The following CACNA2D3 variants were observed in gnomAD, a reference collection of about 807,000 sequenced individuals.
The protein encoded by CACNA2D3 is voltage-dependent calcium channel subunit alpha-2/delta-3.
Under a neutral mutation model 160.6 loss-of-function variants are expected in CACNA2D3, and 60 were observed. The ratio of observed to expected loss-of-function variants is 0.37; its 90% CI spans 0.30 to 0.46. The LOEUF is 0.46. Among genes scored for constraint, CACNA2D3 ranks in the 20% least tolerant of loss-of-function variants. The pLI is 1.00. For synonymous variants in CACNA2D3, 558 were observed against 492.9 expected (o/e 1.13, Z -1.75); for missense variants, 1,205 against 1,365.0 (o/e 0.88, Z 1.85).
At chr3:54,942,722 C>T (rs1010041637) in intron 27 of CACNA2D3, among the ~76,000 whole-genome samples, 1 of 151,738 alleles carries the variant, frequency 6.6e-6, no homozygotes, top group Non-Finnish European at 1.5e-5. Flanking sequence ...GGCTCCATCT[C>T]TAAAAAAATA....
At chr3:54,849,047 T>G (rs1698995217) in intron 17 of CACNA2D3, among the ~76,000 whole-genome samples, 1 of 152,198 alleles carries the variant, frequency 6.6e-6, no homozygotes, top group Non-Finnish European at 1.5e-5. Context: ...TAAAGAGCAC[T>G]TTTTGATTAT....
intron 27 of CACNA2D3, among the ~76,000 whole-genome samples, chr3:54,933,090 TTCCTTCCTTCCTTC>T (rs1701241355): frequency 6.9e-6 from 1 of 144,676 alleles, no homozygotes; most frequent in Non-Finnish European, 1.5e-5. Flanking sequence ...CCTTCCTTCC[TTCCTTCCTTCCTTC>T]CTTCCTTCCT....
intron 11 of CACNA2D3, among the ~76,000 whole-genome samples, chr3:54,733,193 A>T (rs1701423681): frequency 6.6e-6 from 1 of 152,244 alleles, no homozygotes; most frequent in Non-Finnish European, 1.5e-5. Context: ...TTCTGTGTTC[A>T]TGGATTTAGT....
chr3:54,750,739 G>A (rs988152241), intron 11 of CACNA2D3, among the ~76,000 whole-genome samples: 10 of 151,752 alleles, frequency 6.6e-5, no homozygotes, highest in African/African-American at 2.2e-4. Context: ...GAGGGTCAGT[G>A]GTAATCACTT....
intron 8 of CACNA2D3, among the ~76,000 whole-genome samples, chr3:54,575,641 G>A (rs1014867325): frequency 1.3e-5 from 2 of 152,198 alleles, no homozygotes; most frequent in African/African-American, 4.8e-5. Context: ...ACAACACAGT[G>A]TGGCCAGTGC....
At chr3:54,279,091 T>C (rs1294744597) in intron 2 of CACNA2D3, among the ~76,000 whole-genome samples, 2 of 152,232 alleles carry the variant, frequency 1.3e-5, no homozygotes, top group Admixed American at 6.5e-5. Flanking sequence ...CTGCTATAAA[T>C]GGACTTGTTT....
At chr3:54,503,419 G>A in intron 4 of CACNA2D3, 73 bp from the exon 5 acceptor site, 1 of 1,375,546 alleles carries the variant, frequency 7.3e-7, no homozygotes, top group Non-Finnish European at 1.0e-6. Context: ...CACATGGCCT[G>A]TGCCCAGGTC....
At chr3:55,065,163 C>T (rs576916457) in intron 35 of CACNA2D3, among the ~76,000 whole-genome samples, 4 of 152,120 alleles carry the variant, frequency 2.6e-5, no homozygotes, top group Non-Finnish European at 5.9e-5. Flanking sequence ...GATTTCTGTC[C>T]AGTGTCTTTT....
chr3:54,285,277 A>G (rs1387041814), intron 2 of CACNA2D3, among the ~76,000 whole-genome samples: 1 of 152,146 alleles, frequency 6.6e-6, no homozygotes, highest in Admixed American at 6.6e-5. Context: ...ACACCAGGAG[A>G]TTATATTCCT....
intron 34 of CACNA2D3, among the ~76,000 whole-genome samples, chr3:55,015,410 TATTAA>T (rs1163580941): frequency 2.6e-5 from 4 of 152,242 alleles, no homozygotes; most frequent in Middle Eastern, 3.2e-3. Flanking sequence ...CATGTTTTAC[TATTAA>T]ATTAATTAAT....
In CACNA2D3 at chr3:54,456,780, C is replaced by A. The variant is rs138090775; in HGVS notation, c.382-46712C>A. On this transcript the variant is annotated intron_variant, in intron 4 of 37. Coordinates refer to ENST00000474759, the MANE Select transcript of CACNA2D3 (RefSeq NM_018398.3). ...TAACTACAACTTTAACCTCTTGGTT[C>A]ATTATTGGTCTGTTTGAGTTTTCTA... 4.3e-3 allele frequency among the ~76,000 whole-genome samples: 650 copies of A among 151,960 alleles called. 7 individuals carry two copies. The highest frequency in any genetic ancestry group is 0.014 in the African/African-American group (562 of 41,518).
chr3:54,497,951 C>T (rs773533077), intron 4 of CACNA2D3, among the ~76,000 whole-genome samples: 26 of 151,508 alleles, frequency 1.7e-4, no homozygotes, highest in East Asian at 3.9e-4. Context: ...ACAGTTTGGT[C>T]GTGATGTATT....
chr3:54,255,449 A>C (rs1702274502), intron 2 of CACNA2D3, among the ~76,000 whole-genome samples: 1 of 152,200 alleles, frequency 6.6e-6, no homozygotes, highest in African/African-American at 2.4e-5. Context: ...ATCTACTTCT[A>C]CTTGAAGTAA....
chr3:55,015,916 A>G (rs1350829425), intron 34 of CACNA2D3, among the ~76,000 whole-genome samples: 1 of 152,206 alleles, frequency 6.6e-6, no homozygotes, highest in Non-Finnish European at 1.5e-5. Flanking sequence ...CTGTGTTGTT[A>G]CTGTTGGGCC....
At chr3:55,055,840 G>A (rs575731877) in intron 35 of CACNA2D3, among the ~76,000 whole-genome samples, 4 of 152,030 alleles carry the variant, frequency 2.6e-5, no homozygotes, top group Non-Finnish European at 4.4e-5. Flanking sequence ...TTTTTGAATA[G>A]TTCAGTGTTA....
intron 8 of CACNA2D3, among the ~76,000 whole-genome samples, chr3:54,580,790 ACCAGAGCCTGCTTC>A (rs1702663382): frequency 6.6e-6 from 1 of 152,232 alleles, no homozygotes; most frequent in Non-Finnish European, 1.5e-5. Context: ...CCTAGCCTGC[ACCAGAGCCTGCTTC>A]CCAGAGGAGG....
At chr3:54,320,605 C>A in intron 3 of CACNA2D3, 47 bp downstream of exon 3, 1 of 987,448 alleles carries the variant, frequency 1.0e-6, no homozygotes. Context: ...GGCACAAAGG[C>A]AGCTTCAGGG....
intron 17 of CACNA2D3, among the ~76,000 whole-genome samples, chr3:54,850,311 G>A (rs1305174819): frequency 1.3e-5 from 2 of 152,164 alleles, no homozygotes; most frequent in African/African-American, 2.4e-5. Context: ...TCTCAAGGTG[G>A]GGAATGGAAC....
chr3:54,466,862 T>A (rs1700637335), intron 4 of CACNA2D3, among the ~76,000 whole-genome samples: 1 of 152,182 alleles, frequency 6.6e-6, no homozygotes, highest in Non-Finnish European at 1.5e-5. Context: ...GTTGAAAGGT[T>A]TGCTTCATCA....
Sources: allele counts gnomAD v4.1 joint callset (sites outside exome capture counted in the v4.1 genomes callset), GRCh38; gene constraint gnomAD v4.1.1; transcripts MANE v1.5; gene names NCBI Gene and HGNC (gene_info 2026-07-23, HGNC 2026-07-21).